The following CDH18 variants were observed in gnomAD, a reference collection of about 807,000 sequenced individuals.
CDH18 encodes cadherin 18.
In CDH18, 31 loss-of-function variants were observed where a neutral mutation model predicts 67.9. That is an observed-to-expected ratio of 0.46 (90% CI 0.34 to 0.62). The LOEUF is 0.62. CDH18 is among the 20% of genes least tolerant of loss of function. CDH18 has a pLI of 0.01. For synonymous variants in CDH18, 362 were observed against 347.2 expected (o/e 1.04, Z -0.48); for missense variants, 890 against 975.5 (o/e 0.91, Z 1.17).
At chr5:20,354,664 G>T (rs1741460062) in intron 1 of CDH18, among the ~76,000 whole-genome samples, 1 of 152,206 alleles carries the variant, frequency 6.6e-6, no homozygotes, top group African/African-American at 2.4e-5. Flanking sequence ...CACCTACCTA[G>T]GTGTCCCAAA....
chr5:19,717,378 A>C (rs1174233308), intron 5 of CDH18, among the ~76,000 whole-genome samples: 1 of 149,526 alleles, frequency 6.7e-6, no homozygotes, highest in Non-Finnish European at 1.5e-5. Flanking sequence ...CCAGTTAAAA[A>C]CTACACTGGT....
chr5:20,488,924 A>T (rs916318793), intron 1 of CDH18, among the ~76,000 whole-genome samples: 2 of 151,980 alleles, frequency 1.3e-5, no homozygotes, highest in African/African-American at 4.8e-5. Flanking sequence ...TGTGGTGACA[A>T]ACTGCTTTTC....
intron 2 of CDH18, among the ~76,000 whole-genome samples, chr5:20,244,675 T>C (rs1379056834): frequency 6.6e-6 from 1 of 152,116 alleles, no homozygotes; most frequent in African/African-American, 2.4e-5. Flanking sequence ...TAGTTGAAAA[T>C]ATTACATGTT....
intron 2 of CDH18, among the ~76,000 whole-genome samples, chr5:19,910,148 G>A (rs575494597): frequency 1.3e-5 from 2 of 152,058 alleles, no homozygotes; most frequent in Non-Finnish European, 2.9e-5. Context: ...TGGCCAAAAC[G>A]GGAAGTGATG....
At chr5:20,165,458 G>A (rs1194476487) in intron 2 of CDH18, among the ~76,000 whole-genome samples, 1 of 151,996 alleles carries the variant, frequency 6.6e-6, no homozygotes, top group African/African-American at 2.4e-5. Flanking sequence ...TTTTTTAAGT[G>A]CTTGGATGTT....
At chr5:20,083,716 A>C (rs1434144865) in intron 2 of CDH18, among the ~76,000 whole-genome samples, 1 of 152,212 alleles carries the variant, frequency 6.6e-6, no homozygotes, top group African/African-American at 2.4e-5. Flanking sequence ...GGGAAGCCTG[A>C]CAATCATGGT....
intron 1 of CDH18, among the ~76,000 whole-genome samples, chr5:20,340,965 C>A (rs1444826951): frequency 6.6e-6 from 1 of 152,096 alleles, no homozygotes; most frequent in Non-Finnish European, 1.5e-5. Context: ...CCTTATAGAT[C>A]CAGAGCAAAC....
intron 9 of CDH18, among the ~76,000 whole-genome samples, chr5:19,529,800 A>C (rs1202824700): frequency 6.6e-6 from 1 of 152,138 alleles, no homozygotes; most frequent in Non-Finnish European, 1.5e-5. Context: ...AAAGACCTAG[A>C]TAACTGAAAA....
At position 19,491,091 on chromosome 5, in the gene CDH18, G is replaced by A. The variant is rs151027242; in HGVS notation, c.1631-7539C>T. 9.1e-3 allele frequency among the ~76,000 whole-genome samples: 1,390 copies of A among 152,250 alleles called. 22 individuals carry two copies. The highest frequency in any genetic ancestry group is 0.042 in the Admixed American group (649 of 15,294). ...GTCAAGCTTGAGTGTCTGCATTCAGGTAAAGGATGGTGTAATTCTCTCAAG... is the reference window on the plus strand; with the variant it reads ...GTCAAGCTTGAGTGTCTGCATTCAGATAAAGGATGGTGTAATTCTCTCAAG... On this transcript the variant is annotated intron_variant, in intron 11 of 12. Coordinates refer to ENST00000382275, the MANE Select transcript of CDH18 (RefSeq NM_004934.5).
chr5:20,496,552 AT>A (rs1753918796), intron 1 of CDH18, among the ~76,000 whole-genome samples: 1 of 152,224 alleles, frequency 6.6e-6, no homozygotes, highest in African/African-American at 2.4e-5. Context: ...TTTAATATTC[AT>A]TTTTTTGAGA....
At chr5:19,645,552 T>C (rs978160757) in intron 5 of CDH18, among the ~76,000 whole-genome samples, 2 of 152,230 alleles carry the variant, frequency 1.3e-5, no homozygotes, top group African/African-American at 2.4e-5. Flanking sequence ...GAAGAGGTCT[T>C]ATCCTGTATA....
chr5:19,827,046 G>C (rs1780486053), intron 3 of CDH18, among the ~76,000 whole-genome samples: 1 of 151,930 alleles, frequency 6.6e-6, no homozygotes, highest in Non-Finnish European at 1.5e-5. Flanking sequence ...AATCTACCAA[G>C]AAAATGGCAA....
chr5:19,829,168 C>T (rs1186627357), intron 3 of CDH18, among the ~76,000 whole-genome samples: 1 of 152,124 alleles, frequency 6.6e-6, no homozygotes, highest in Non-Finnish European at 1.5e-5. Flanking sequence ...AACATGACCA[C>T]TCACACCACT....
At chr5:20,344,914 G>A (rs1379609932) in intron 1 of CDH18, among the ~76,000 whole-genome samples, 2 of 152,154 alleles carry the variant, frequency 1.3e-5, no homozygotes, top group Non-Finnish European at 2.9e-5. Context: ...TTGGTACTTG[G>A]TGTCATTGCA....
At chr5:19,678,876 A>G (rs1349819737) in intron 5 of CDH18, among the ~76,000 whole-genome samples, 1 of 151,824 alleles carries the variant, frequency 6.6e-6, no homozygotes, top group African/African-American at 2.4e-5. Flanking sequence ...AAATGTATAA[A>G]GAGTTGTTAC....
Position 20,069,307 on chromosome 5 carries a change from CTA to C in CDH18, c.-517-77295_-517-77294del, listed in dbSNP as rs1254170327. 5.3e-5 allele frequency among the ~76,000 whole-genome samples: 8 copies of C among 152,064 alleles called. 1 individual carries two copies. In the South Asian group the frequency reaches 1.2e-3, roughly 24 times the overall value. On this transcript the variant is annotated intron_variant, in intron 2 of 14. Transcript: ENST00000507958. ...AAGTAGCTTCTTCTCAAGCCTGAGG[CTA>C]TGTGTCCCATTCTCAGAAAGGCTTC...
intron 2 of CDH18, among the ~76,000 whole-genome samples, chr5:20,172,905 G>A (rs1481609136): frequency 4.0e-5 from 6 of 151,564 alleles, no homozygotes; most frequent in East Asian, 2.0e-4. Flanking sequence ...CAGGAGAAAC[G>A]TTTGAACCCG....
At chr5:20,040,678 A>T (rs1051385946) in intron 2 of CDH18, among the ~76,000 whole-genome samples, 1 of 152,140 alleles carries the variant, frequency 6.6e-6, no homozygotes, top group Non-Finnish European at 1.5e-5. Context: ...CATTTCCTAA[A>T]TGTTAGAGTT....
At chr5:19,937,842 G>A (rs1398218307) in intron 2 of CDH18, among the ~76,000 whole-genome samples, 1 of 150,192 alleles carries the variant, frequency 6.7e-6, no homozygotes, top group Non-Finnish European at 1.5e-5. Context: ...TATAATAAAG[G>A]GCTAGACTGC....
Sources: gnomAD v4.1 joint callset for allele counts (sites outside exome capture counted in the v4.1 genomes callset) on GRCh38, gnomAD v4.1.1 for gene constraint, MANE v1.5 for transcripts, NCBI Gene and HGNC (gene_info 2026-07-23, HGNC 2026-07-21) for gene names.